Variants in KHDRBS2 observed in about 807,000 individuals in gnomAD.
KHDRBS2 encodes the protein KH RNA binding domain containing, signal transduction associated 2.
Under a neutral mutation model 44.3 loss-of-function variants are expected in KHDRBS2, and 26 were observed. The ratio of observed to expected loss-of-function variants is 0.59; its 90% CI spans 0.43 to 0.81. KHDRBS2 has a LOEUF of 0.81. KHDRBS2 is among the 40% of genes least tolerant of loss of function. The probability of loss-of-function intolerance (pLI) is 0.00; values close to 1 mark genes in which losing one functional copy is unlikely to be tolerated. For missense variants in KHDRBS2, 476 were observed against 433.1 expected (o/e 1.10, Z -0.88); for synonymous variants, 194 against 151.1 (o/e 1.28, Z -2.08).
chr6:62,066,536 G>C (rs1793770447), intron 2 of KHDRBS2, among the ~76,000 whole-genome samples: 1 of 151,568 alleles, frequency 6.6e-6, no homozygotes, highest in African/African-American at 2.4e-5. Context: ...TAAATGTTTT[G>C]TTTAAATGTC....
intron 1 of KHDRBS2, among the ~76,000 whole-genome samples, chr6:62,284,733 T>C (rs1330210051): frequency 2.6e-5 from 4 of 152,158 alleles, no homozygotes; most frequent in African/African-American, 7.2e-5. Flanking sequence ...TTACACTTCA[T>C]TGTTAATATA....
At chr6:61,839,805 A>G (rs1311371495) in intron 6 of KHDRBS2, among the ~76,000 whole-genome samples, 1 of 152,096 alleles carries the variant, frequency 6.6e-6, no homozygotes, top group Non-Finnish European at 1.5e-5. Flanking sequence ...AGAATATTGT[A>G]TGGATATTGA....
At chr6:62,002,871 C>T (rs997797758) in intron 3 of KHDRBS2, among the ~76,000 whole-genome samples, 3 of 151,652 alleles carry the variant, frequency 2.0e-5, no homozygotes, top group African/African-American at 7.3e-5. Flanking sequence ...ATATGAGATT[C>T]TATAACAGAA....
At chr6:62,178,777 T>G (rs1189576540) in intron 1 of KHDRBS2, among the ~76,000 whole-genome samples, 2 of 151,594 alleles carry the variant, frequency 1.3e-5, no homozygotes, top group African/African-American at 4.8e-5. Context: ...TTTTTGTTCT[T>G]TGCTCTTAGT....
intron 1 of KHDRBS2, among the ~76,000 whole-genome samples, chr6:62,221,716 T>A (rs371693724): frequency 8.6e-5 from 13 of 151,994 alleles, no homozygotes; most frequent in East Asian, 7.7e-4. Context: ...TCAAATTTCA[T>A]CCTCTCAACA....
chr6:61,774,496 C>T (rs1049626417), intron 6 of KHDRBS2, among the ~76,000 whole-genome samples: 3 of 152,030 alleles, frequency 2.0e-5, no homozygotes, highest in Non-Finnish European at 4.4e-5. Flanking sequence ...TTCTTATATA[C>T]CAATAACAGA....
At chr6:61,910,599 A>C (rs1179458808) in intron 4 of KHDRBS2, among the ~76,000 whole-genome samples, 1 of 152,202 alleles carries the variant, frequency 6.6e-6, no homozygotes, top group African/African-American at 2.4e-5. Flanking sequence ...TTTTGCAGGA[A>C]GATTGGAAAG....
intron 2 of KHDRBS2, among the ~76,000 whole-genome samples, chr6:62,082,244 C>A (rs1294679688): frequency 6.6e-6 from 1 of 151,456 alleles, no homozygotes; most frequent in Non-Finnish European, 1.5e-5. Context: ...TTATTAAAAC[C>A]CATCTTCTGA....
chr6:62,199,795 G>A (rs1444707614), intron 1 of KHDRBS2, among the ~76,000 whole-genome samples: 1 of 152,168 alleles, frequency 6.6e-6, no homozygotes, highest in South Asian at 2.1e-4. Flanking sequence ...TAAGCCAAAA[G>A]AAGAAAGATG....
At chr6:61,801,400 T>C (rs536764675) in intron 6 of KHDRBS2, among the ~76,000 whole-genome samples, 2 of 152,264 alleles carry the variant, frequency 1.3e-5, no homozygotes, top group African/African-American at 4.8e-5. Flanking sequence ...TAGAGCTTTC[T>C]AGAGAAGGTG....
intron 3 of KHDRBS2, among the ~76,000 whole-genome samples, chr6:62,046,343 C>T (rs945489495): frequency 1.3e-5 from 2 of 151,914 alleles, no homozygotes; most frequent in African/African-American, 4.8e-5. Context: ...TATAGAAATA[C>T]TACATGTAGA....
At chr6:62,001,843 C>G (rs1297503450) in intron 3 of KHDRBS2, among the ~76,000 whole-genome samples, 1 of 152,050 alleles carries the variant, frequency 6.6e-6, no homozygotes, top group Non-Finnish European at 1.5e-5. Context: ...TTTCTTTGTG[C>G]TTACTACTGA....
chr6:61,930,093 CT>C (rs1349111771), intron 4 of KHDRBS2, among the ~76,000 whole-genome samples: 2 of 152,158 alleles, frequency 1.3e-5, no homozygotes, highest in East Asian at 3.9e-4. Flanking sequence ...GGTTCATTGC[CT>C]TCCACCCCTT....
intron 6 of KHDRBS2, among the ~76,000 whole-genome samples, chr6:61,890,216 G>A (rs936480413): frequency 5.9e-5 from 9 of 152,140 alleles, no homozygotes; most frequent in Non-Finnish European, 1.3e-4. Context: ...CTCAGTGAGT[G>A]ACTGATTGAA....
At chr6:61,947,547 G>C (rs953206908) in intron 4 of KHDRBS2, among the ~76,000 whole-genome samples, 2 of 152,082 alleles carry the variant, frequency 1.3e-5, no homozygotes, top group African/African-American at 2.4e-5. Flanking sequence ...GGGAAATGCA[G>C]TATCAGGTTT....
intron 4 of KHDRBS2, among the ~76,000 whole-genome samples, chr6:61,957,243 T>A (rs1177551996): frequency 1.3e-5 from 2 of 152,114 alleles, no homozygotes; most frequent in Non-Finnish European, 2.9e-5. Flanking sequence ...GATGGTTGCG[T>A]TAACTGCACA....
intron 2 of KHDRBS2, among the ~76,000 whole-genome samples, chr6:62,079,747 T>C (rs1383058961): frequency 6.6e-6 from 1 of 152,058 alleles, no homozygotes; most frequent in African/African-American, 2.4e-5. Context: ...TCCTAATGCC[T>C]CTGCTAAGAG....
chr6:62,172,218 T>C (rs1169870098), intron 2 of KHDRBS2, among the ~76,000 whole-genome samples: 2 of 151,884 alleles, frequency 1.3e-5, no homozygotes, highest in Admixed American at 6.6e-5. Flanking sequence ...CTCAAAGTAA[T>C]GGGATGGAGA....
At chr6:61,551,080 G>A in the KHDRBS2 span, among the ~76,000 whole-genome samples, 1 of 152,006 alleles carries the variant, frequency 6.6e-6, no homozygotes, top group African/African-American at 2.4e-5. Flanking sequence ...ATCCAAGTTG[G>A]TATCTCATTG....
Sources: gnomAD v4.1 joint callset for allele counts (sites outside exome capture counted in the v4.1 genomes callset) on GRCh38, gnomAD v4.1.1 for gene constraint, MANE v1.5 for transcripts, NCBI Gene and HGNC (gene_info 2026-07-23, HGNC 2026-07-21) for gene names.